The following MARK1 variants were observed in gnomAD, a reference collection of about 807,000 sequenced individuals.
The protein encoded by MARK1 is microtubule affinity regulating kinase 1.
In MARK1, 40 loss-of-function variants were observed where a neutral mutation model predicts 96.3. The observed-to-expected ratio is 0.42, with a 90% CI of 0.32 to 0.54. The LOEUF (loss-of-function observed/expected upper bound fraction) is 0.54. Ranked by LOEUF, MARK1 falls within the 20% of genes least tolerant of loss-of-function variation. MARK1 has a pLI of 0.16. For synonymous variants in MARK1, 317 were observed against 341.2 expected (o/e 0.93, Z 0.78); for missense variants, 719 against 984.6 (o/e 0.73, Z 3.61).
chr1:220,639,159 G>A, intron 13 of MARK1, among the ~76,000 whole-genome samples: 1 of 152,134 alleles, frequency 6.6e-6, no homozygotes. Flanking sequence ...GGAAGGCTGA[G>A]GAGGGAGGAT....
intron 5 of MARK1, among the ~76,000 whole-genome samples, chr1:220,601,208 G>A (rs746540637): frequency 5.9e-5 from 9 of 151,822 alleles, no homozygotes; most frequent in African/African-American, 1.9e-4. Flanking sequence ...ATTAGCCACC[G>A]CGCCTGGCCT....
chr1:220,600,765 T>C (rs1665682261), intron 5 of MARK1, among the ~76,000 whole-genome samples: 1 of 152,216 alleles, frequency 6.6e-6, no homozygotes, highest in Non-Finnish European at 1.5e-5. Context: ...ACTATTGAGC[T>C]CTTTTAGTTA....
chr1:220,626,842 G>C (rs989747940), intron 9 of MARK1: 15 of 404,928 alleles, frequency 3.7e-5, no homozygotes, highest in African/African-American at 2.5e-4. Context: ...AAAGGGTTGA[G>C]GGGGGCATGC....
intron 1 of MARK1, among the ~76,000 whole-genome samples, chr1:220,537,399 C>T (rs1429194918): frequency 6.6e-6 from 1 of 151,638 alleles, no homozygotes; most frequent in Non-Finnish European, 1.5e-5. Flanking sequence ...CATCCATGTC[C>T]CTACAAAGGA....
At position 220,659,285 on chromosome 1, in the gene MARK1, TG is replaced by T. The variant is rs567818942; in HGVS notation, c.2033+1452del. Reference sequence around the variant, plus strand: ...TAGGTGAAAATGCCTATTTTACAGATGAAAAAAAACAGCAAGGAACATAGGT... The same window carrying T: ...TAGGTGAAAATGCCTATTTTACAGATAAAAAAAACAGCAAGGAACATAGGT... On this transcript the variant is annotated intron_variant, in intron 17 of 17. Coordinates refer to ENST00000366917, the MANE Select transcript of MARK1 (RefSeq NM_018650.5). Among the ~76,000 whole-genome samples, 387 of 152,098 alleles carry T rather than the reference TG, an allele frequency of 2.5e-3. 1 individual carries two copies. Among genetic ancestry groups the T allele is most frequent in the African/African-American group, 8.6e-3 (356 of 41,498 alleles).
chr1:220,531,103 G>A (rs1330817798), intron 1 of MARK1, among the ~76,000 whole-genome samples: 1 of 152,124 alleles, frequency 6.6e-6, no homozygotes, highest in African/African-American at 2.4e-5. Flanking sequence ...TGTTATAGGT[G>A]TTTATCAAAG....
rs774626665 is a variant in MARK1 at position 220,635,511 on chromosome 1, C to T, written c.1258C>T (p.Arg420Trp). 2.5e-6 allele frequency: 4 copies of T among 1,609,762 alleles called. No homozygotes were observed. Among genetic ancestry groups the T allele is most frequent in the Admixed American group, 1.7e-5 (1 of 58,656 alleles). The change falls in exon 12 of 18, where the codon CGG becomes TGG. Residue 420 changes from arginine (R) to tryptophan (W), a missense_variant. Arg to Trp is a moderately radical substitution (Grantham distance 101). Around this residue, in one of 4 missense-constraint regions of MARK1, gnomAD observed 501 missense variants for 588.3 expected, o/e 0.85. Transcript: ENST00000366917. ...AAGTATCTCAGCAAATCAGAAGCAG[C>T]GGCGTTTCAGTGATCATGGTAGGGG... ...QRSISANQKQ[R>W]RFSDHAGPSI...
rs1342963568 is a variant in MARK1 at position 220,662,109 on chromosome 1, G to A, written c.2331G>A (p.Gly777=). ...GGGTTCGCTTCAAGCGAATATCTGG[G>A]ACATCTATTGCCTTTAAGAACATTG... ...LNGVRFKRIS[G]TSIAFKNIAS... The change falls in exon 18 of 18, where the codon GGG becomes GGA. Residue 777 remains glycine, a synonymous_variant. Transcript: ENST00000366917. The A allele has an allele frequency of 1.2e-6, 2 of 1,614,106 alleles. No homozygotes were observed. Among genetic ancestry groups the A allele is most frequent in the Non-Finnish European group, 1.7e-6 (2 of 1,180,034 alleles).
intron 13 of MARK1, among the ~76,000 whole-genome samples, chr1:220,645,840 G>A (rs932890599): frequency 2.0e-5 from 3 of 152,248 alleles, no homozygotes; most frequent in African/African-American, 4.8e-5. Flanking sequence ...AAAAGCCTTC[G>A]ATAAAATTCA....
At chr1:220,552,782 T>C (rs1360695001) in intron 1 of MARK1, among the ~76,000 whole-genome samples, 1 of 152,186 alleles carries the variant, frequency 6.6e-6, no homozygotes, top group Non-Finnish European at 1.5e-5. Context: ...CCTTCTATTA[T>C]GAAAGTAGTC....
At chr1:220,551,021 G>C (rs1373500049) in intron 1 of MARK1, among the ~76,000 whole-genome samples, 2 of 152,186 alleles carry the variant, frequency 1.3e-5, no homozygotes, top group African/African-American at 4.8e-5. Flanking sequence ...AGGGAAAGAT[G>C]AATGTGACAT....
chr1:220,660,639 T>C (rs1046318003), intron 17 of MARK1, among the ~76,000 whole-genome samples: 4 of 152,226 alleles, frequency 2.6e-5, no homozygotes, highest in African/African-American at 7.2e-5. Flanking sequence ...TACAGGATTT[T>C]CTGTATCACG....
At chr1:220,530,886 G>A (rs1660268524) in intron 1 of MARK1, among the ~76,000 whole-genome samples, 1 of 152,032 alleles carries the variant, frequency 6.6e-6, no homozygotes, top group Admixed American at 6.6e-5. Context: ...TAATTGCTGT[G>A]GAAAATATCT....
At position 220,618,194 on chromosome 1, in the gene MARK1, C is replaced by A; in HGVS notation, c.553-116C>A. The A allele has an allele frequency of 1.5e-6, 1 of 673,500 alleles. No individual in the cohort carries two copies. Among genetic ancestry groups the A allele is most frequent in the Non-Finnish European group, 2.5e-6 (1 of 393,132 alleles). The allele number at this position is 673,500 out of a possible 1,614,324, so 41.7% of individuals were successfully genotyped here. A position where few individuals can be genotyped will look rare whatever the true frequency, so the allele number is the denominator to read the frequency against. On this transcript the variant is annotated intron_variant, in intron 7 of 17. Transcript: ENST00000366917. The surrounding 1 kb of genome is among the most constrained non-coding windows in gnomAD (Gnocchi z 4.6). ...CCATACTGGGCTTCTAAATTTGATA[C>A]TACATTTAGAAATGAGGGGCAAGAG...
Position 220,581,049 on chromosome 1 carries a change from G to T in MARK1, c.256-16G>T, listed in dbSNP as rs1664210444. 4.2e-6 allele frequency: 5 copies of T among 1,188,566 alleles called. No homozygotes were observed. In the East Asian group the frequency reaches 1.4e-4, roughly 33 times the overall value. 73.6% of individuals were successfully genotyped at this position (1,188,566 alleles called of 1,614,324 possible). ...ATGCATTTTTCAAATAGAGTTTAAT[G>T]ATTCTTCTTTTTTAGGTTGCTGTGA... is the stretch of plus-strand genomic sequence containing the variant. On this transcript the variant is annotated splice_polypyrimidine_tract_variant and intron_variant, in intron 2 of 17. Coordinates refer to ENST00000366917, the MANE Select transcript of MARK1 (RefSeq NM_018650.5).
intron 13 of MARK1, among the ~76,000 whole-genome samples, chr1:220,644,368 C>T (rs1458421419): frequency 1.3e-5 from 2 of 151,730 alleles, no homozygotes; most frequent in African/African-American, 4.8e-5. Context: ...GAAGAGCTAA[C>T]TATCCTAAAT....
chr1:220,565,493 C>T (rs1662982083), intron 1 of MARK1, among the ~76,000 whole-genome samples: 1 of 151,306 alleles, frequency 6.6e-6, no homozygotes, highest in Non-Finnish European at 1.5e-5. Flanking sequence ...TGAGTGTGTA[C>T]TTGTATATGC....
chr1:220,635,238 C>T, intron 11 of MARK1, 138 bp from the exon 12 acceptor site: 1 of 766,910 alleles, frequency 1.3e-6, no homozygotes. Context: ...GTTCTAGGCC[C>T]AATACTACAC....
In MARK1 at chr1:220,650,651, G is replaced by A; in HGVS notation, c.1502G>A (p.Arg501Lys). Residue 501 changes from arginine to lysine, a missense_variant, in exon 14 of 18, where the codon AGA becomes AAA. This residue lies in a region of MARK1 where 501 missense variants were observed against 588.3 expected (regional missense o/e 0.85). Transcript: ENST00000366917. The part of the protein sequence containing the change: ...NNVYSGGSMA[R>K]RNTYVCERTT... ...GTGTATTCTGGAGGTAGCATGGCAA[G>A]AAGGAATACATATGTCTGTGAAAGG... is the stretch of plus-strand genomic sequence containing the variant. 1 of 1,612,574 alleles carries A rather than the reference G, an allele frequency of 6.2e-7. No homozygotes were observed. The highest frequency in any genetic ancestry group is 8.5e-7 in the Non-Finnish European group (1 of 1,178,918).
Sources: gnomAD v4.1 joint callset for allele counts (sites outside exome capture counted in the v4.1 genomes callset) on GRCh38, gnomAD v4.1.1 for gene constraint, gnomAD v4.1.1 regional missense constraint, Gnocchi (gnomAD v3.1) non-coding constraint, MANE v1.5 for transcripts, NCBI Gene and HGNC (gene_info 2026-07-23, HGNC 2026-07-21) for gene names.